The following MBD5 variants were observed in gnomAD, a reference collection of about 807,000 sequenced individuals.
The protein encoded by MBD5 is methyl-CpG-binding domain protein 5.
Under a neutral mutation model 117.3 loss-of-function variants are expected in MBD5, and 13 were observed. That is an observed-to-expected ratio of 0.11 (90% CI 0.07 to 0.18). MBD5 has a LOEUF of 0.18. Among genes scored for constraint, MBD5 ranks in the 10% least tolerant of loss-of-function variants. The probability of loss-of-function intolerance (pLI) is 1.00; values close to 1 mark genes in which losing one functional copy is unlikely to be tolerated. For synonymous variants in MBD5, 727 were observed against 766.4 expected (o/e 0.95, Z 0.85); for missense variants, 1,879 against 2,093.8 (o/e 0.90, Z 2.00).
intron 1 of MBD5, among the ~76,000 whole-genome samples, chr2:148,168,709 C>G (rs931636865): frequency 6.6e-6 from 1 of 151,974 alleles, no homozygotes; most frequent in Admixed American, 6.6e-5. Context: ...CGCTATTACA[C>G]TCCAGCCTGG....
intron 4 of MBD5, among the ~76,000 whole-genome samples, chr2:148,385,923 A>G (rs1704342817): frequency 7.1e-6 from 1 of 140,776 alleles, no homozygotes; most frequent in South Asian, 2.3e-4. Flanking sequence ...GAACACATGG[A>G]CACGGTAAGG....
In MBD5 at chr2:148,325,775, T is replaced by C. The variant is rs566648309; in HGVS notation, c.-679-16439T>C. ...TGGTCTATCAATTTTGTTGATCCTTTAAAAAAACCAGCTCCTGGATTCGTT... is the reference window on the plus strand; with the variant it reads ...TGGTCTATCAATTTTGTTGATCCTTCAAAAAAACCAGCTCCTGGATTCGTT... On this transcript the variant is annotated intron_variant, in intron 3 of 13. Transcript: ENST00000642680. Among the ~76,000 whole-genome samples the C allele has an allele frequency of 3.3e-5, 5 of 152,254 alleles. No individual in the cohort carries two copies. The South Asian group carries it at 8.3e-4, about 25-fold the overall frequency.
chr2:148,070,150 C>T (rs933284113), intron 1 of MBD5, among the ~76,000 whole-genome samples: 2 of 152,174 alleles, frequency 1.3e-5, no homozygotes, highest in Non-Finnish European at 2.9e-5. Flanking sequence ...CTACTCTCTA[C>T]CTCCATGAGG....
intron 1 of MBD5, among the ~76,000 whole-genome samples, chr2:148,165,553 T>A (rs1698108457): frequency 6.6e-6 from 1 of 152,050 alleles, no homozygotes; most frequent in African/African-American, 2.4e-5. Context: ...ATGAACAGGT[T>A]TTTTATATAT....
chr2:148,084,092 T>G (rs1370088389), intron 1 of MBD5, among the ~76,000 whole-genome samples: 1 of 152,230 alleles, frequency 6.6e-6, no homozygotes, highest in Admixed American at 6.5e-5. Flanking sequence ...TTTTGCTGTT[T>G]GCAATACAAG....
intron 8 of MBD5, chr2:148,481,683 T>C (rs933521600): frequency 2.6e-5 from 4 of 152,298 alleles, no homozygotes; most frequent in South Asian, 2.1e-4. Context: ...TTTCACCCTA[T>C]CTACCTCACC....
chr2:148,138,112 A>G (rs1480782833), intron 1 of MBD5, among the ~76,000 whole-genome samples: 1 of 152,254 alleles, frequency 6.6e-6, no homozygotes, highest in Non-Finnish European at 1.5e-5. Flanking sequence ...GACAAAAATA[A>G]CAACAATAAA....
At chr2:148,321,319 AT>A (rs1702276422) in intron 3 of MBD5, among the ~76,000 whole-genome samples, 1 of 152,122 alleles carries the variant, frequency 6.6e-6, no homozygotes, top group South Asian at 2.1e-4. Flanking sequence ...AAAAAAAAAA[AT>A]TGCCAAAAAA....
intron 1 of MBD5, among the ~76,000 whole-genome samples, chr2:148,022,380 A>G (rs963775138): frequency 1.3e-5 from 2 of 152,144 alleles, no homozygotes; most frequent in Admixed American, 6.5e-5. Flanking sequence ...ATCAGTATAT[A>G]AAGTCCAAAG....
chr2:148,503,481 A>G (rs571556902), intron 12 of MBD5, among the ~76,000 whole-genome samples: 27 of 152,336 alleles, frequency 1.8e-4, no homozygotes, highest in African/African-American at 5.5e-4. Context: ...AGTAATATCT[A>G]TTAAAAAGCA....
chr2:148,184,554 G>A (rs1009487780), intron 2 of MBD5, among the ~76,000 whole-genome samples: 2 of 152,038 alleles, frequency 1.3e-5, no homozygotes, highest in Non-Finnish European at 1.5e-5. Flanking sequence ...ATTATATGCC[G>A]CTAATATCTT....
chr2:148,029,777 A>T (rs1244995741), intron 1 of MBD5, among the ~76,000 whole-genome samples: 1 of 151,034 alleles, frequency 6.6e-6, no homozygotes, highest in Non-Finnish European at 1.5e-5. Flanking sequence ...AGTTTTTATT[A>T]ATTTTAGACC....
intron 1 of MBD5, among the ~76,000 whole-genome samples, chr2:148,072,425 G>C (rs1695383529): frequency 6.6e-6 from 1 of 152,004 alleles, no homozygotes; most frequent in Admixed American, 6.6e-5. Context: ...TCATCATCAT[G>C]GTTTGCTTTG....
chr2:148,030,752 G>A (rs34805135), intron 1 of MBD5, among the ~76,000 whole-genome samples: 1,978 of 152,148 alleles, frequency 0.013, 15 homozygotes, highest in South Asian at 0.031. Flanking sequence ...ATATACTTAC[G>A]TATTGAAGTA....
intron 1 of MBD5, among the ~76,000 whole-genome samples, chr2:148,087,574 A>T (rs931974014): frequency 4.6e-5 from 7 of 152,186 alleles, no homozygotes; most frequent in African/African-American, 1.7e-4. Flanking sequence ...ACCAGCCCAG[A>T]GTCTGGTAGC....
chr2:148,407,990 A>G lies in MBD5; in HGVS notation c.-556-50213A>G, dbSNP rs536925806. Among the ~76,000 whole-genome samples the G allele has an allele frequency of 3.3e-5, 5 of 152,252 alleles. 1 individual carries two copies. In the South Asian group the frequency reaches 1.0e-3, roughly 32 times the overall value. ...TATGCTCCCACACATTACATAACCTATTTCAGAGACTGACTGTGTAGATCA... is the reference window on the plus strand; with the variant it reads ...TATGCTCCCACACATTACATAACCTGTTTCAGAGACTGACTGTGTAGATCA... On this transcript the variant is annotated intron_variant, in intron 4 of 13. Coordinates refer to ENST00000642680, the MANE Select transcript of MBD5 (RefSeq NM_001378120.1).
chr2:148,179,225 G>C (rs1268250003), intron 2 of MBD5, among the ~76,000 whole-genome samples: 1 of 151,936 alleles, frequency 6.6e-6, no homozygotes, highest in Admixed American at 6.5e-5. Flanking sequence ...CGTGGTGGCA[G>C]GCGCGTGTAG....
At chr2:148,341,865 G>A (rs1329426347) in intron 3 of MBD5, among the ~76,000 whole-genome samples, 2 of 126,682 alleles carry the variant, frequency 1.6e-5, no homozygotes, top group African/African-American at 5.6e-5. Context: ...ATAAAAAGAT[G>A]TTGAGAGAAT....
intron 12 of MBD5, among the ~76,000 whole-genome samples, chr2:148,502,808 A>T (rs997902959): frequency 2.6e-5 from 4 of 152,218 alleles, no homozygotes; most frequent in Admixed American, 2.6e-4. Flanking sequence ...TATTCTCAAC[A>T]TATAGCAATT....
Sources: gnomAD v4.1 joint callset for allele counts (sites outside exome capture counted in the v4.1 genomes callset) on GRCh38, gnomAD v4.1.1 for gene constraint, MANE v1.5 for transcripts, NCBI Gene and HGNC (gene_info 2026-07-23, HGNC 2026-07-21) for gene names.